The following KHDC4 variants were observed in gnomAD, a reference collection of about 807,000 sequenced individuals.
KHDC4 encodes the protein KH domain containing 4, pre-mRNA splicing factor.
In KHDC4, 19 loss-of-function variants were observed where a neutral mutation model predicts 74.5. The ratio of observed to expected loss-of-function variants is 0.26; its 90% CI spans 0.18 to 0.37. KHDC4 has a LOEUF of 0.37. Among genes scored for constraint, KHDC4 ranks in the 10% least tolerant of loss-of-function variants. The pLI, the probability that KHDC4 is intolerant of heterozygous loss-of-function variation, is 1.00. For synonymous variants in KHDC4, 253 were observed against 266.1 expected, an observed-to-expected ratio of 0.95 and a Z score of 0.48; for missense variants, 632 against 754.1, an observed-to-expected ratio of 0.84 and a Z score of 1.90.
chr1:155,926,311 T>C (rs1473360627), intron 6 of KHDC4, among the ~76,000 whole-genome samples: 2 of 150,136 alleles, frequency 1.3e-5, no homozygotes, highest in Non-Finnish European at 3.0e-5. Context: ...TTTCTTTGTA[T>C]GTATTACTTG....
Position 155,934,397 on chromosome 1 carries a change from C to A in KHDC4, c.-24G>T. On this transcript the variant is annotated 5_prime_UTR_variant, in exon 1 of 14. Coordinates refer to ENST00000368321, the MANE Select transcript of KHDC4 (RefSeq NM_014949.4). ...ATGGCGACCGCTTCTACTCAACCAC[C>A]CGCCAACTATCCGACTACCACCTCT... 1 of 1,611,322 alleles carries A rather than the reference C, an allele frequency of 6.2e-7. No individual in the cohort carries two copies. Among genetic ancestry groups the A allele is most frequent in the South Asian group, 1.1e-5 (1 of 90,950 alleles).
intron 5 of KHDC4, 99 bp from the exon 6 acceptor site, chr1:155,926,938 A>C: frequency 7.1e-7 from 1 of 1,416,576 alleles, no homozygotes; most frequent in Admixed American, 1.7e-5. Flanking sequence ...TTTATACGTT[A>C]CCCAAATATG....
chr1:155,916,565 TCTCA>T (rs1483115822), intron 12 of KHDC4, 56 bp downstream of exon 12: 25 of 1,105,694 alleles, frequency 2.3e-5, no homozygotes, highest in African/African-American at 2.2e-4. Context: ...TGATCATTAC[TCTCA>T]CTAATGGTGC....
chr1:155,916,876 G>A (rs1342364434), intron 11 of KHDC4, 139 bp from the exon 12 acceptor site: 17 of 601,338 alleles, frequency 2.8e-5, no homozygotes, highest in Non-Finnish European at 5.0e-5. Context: ...TTTGGGATCT[G>A]CTGTGTAACT....
chr1:155,929,299 G>C lies in KHDC4; in HGVS notation c.461C>G (p.Pro154Arg). The change falls in exon 4 of 14, where the codon CCA becomes CGA. Residue 154 changes from proline (P) to arginine (R), a missense_variant. Transcript: ENST00000368321. ...AACAAGATAAGAGAATACGCACCCT[G>C]GTCCCACTTTGGCTTTTTCCTCAGT... is the stretch of plus-strand genomic sequence containing the variant. ...MTTEEKAKVG[P>R]GDRPLYLHVQ... The C allele has an allele frequency of 6.2e-7, 1 of 1,610,286 alleles. No individual in the cohort carries two copies. The highest frequency in any genetic ancestry group is 1.1e-5 in the South Asian group (1 of 91,016).
intron 10 of KHDC4, among the ~76,000 whole-genome samples, chr1:155,919,225 C>T (rs1429599447): frequency 1.3e-5 from 2 of 152,064 alleles, no homozygotes; most frequent in African/African-American, 2.4e-5. Context: ...GCCCCAACCT[C>T]CCAAAGTGCT....
intron 8 of KHDC4, 118 bp from the exon 9 acceptor site, chr1:155,922,036 T>C: frequency 1.6e-6 from 1 of 625,952 alleles, no homozygotes; most frequent in Non-Finnish European, 2.8e-6. Flanking sequence ...CTACCAATGT[T>C]CCAATCAAAT....
Position 155,914,047 on chromosome 1 carries a change from A to C in KHDC4, c.*74T>G. 3.9e-6 allele frequency: 5 copies of C among 1,278,436 alleles called. No individual in the cohort carries two copies. The allele number at this position is 1,278,436 out of a possible 1,614,324, so 79.2% of individuals were successfully genotyped here. On this transcript the variant is annotated 3_prime_UTR_variant, in exon 14 of 14. Transcript: ENST00000368321. ...AGATGGTTCCCAGCACAGGCCCCAG[A>C]GTCTTGTTAAATCAAATGCATGCAT...
chr1:155,917,023 T>C (rs1673746651), intron 11 of KHDC4: 1 of 268,274 alleles, frequency 3.7e-6, no homozygotes, highest in Admixed American at 4.7e-5. Flanking sequence ...CTAGAAACTA[T>C]AAAAAAATGC....
At chr1:155,927,525 CT>C (rs1051646870) in intron 4 of KHDC4, among the ~76,000 whole-genome samples, 3 of 152,056 alleles carry the variant, frequency 2.0e-5, no homozygotes, top group Non-Finnish European at 2.9e-5. Context: ...ATGGGGCAAG[CT>C]GGGTGCTGTG....
chr1:155,927,706 G>A lies in KHDC4; in HGVS notation c.465-550C>T, dbSNP rs576614552. 1.7e-4 allele frequency among the ~76,000 whole-genome samples: 25 copies of A among 149,770 alleles called. No homozygotes were observed. The Admixed American group carries it at 1.7e-3, about 10-fold the overall frequency. ...TAGTCCCAGCTACTCAGGAGGCTGA[G>A]GCACAAGAATCACTTGAACCCAGGA... On this transcript the variant is annotated intron_variant, in intron 4 of 13. Coordinates refer to ENST00000368321, the MANE Select transcript of KHDC4 (RefSeq NM_014949.4).
chr1:155,920,251 A>AAC (rs5777963), intron 10 of KHDC4, among the ~76,000 whole-genome samples: 122,832 of 151,570 alleles, frequency 0.81, 51,916 homozygotes, highest in East Asian at 0.94. Context: ...CATCCTGGCT[A>AAC]ACAGTGAAAC....
Position 155,926,688 on chromosome 1 carries a change from G to A in KHDC4, c.669C>T (p.Pro223=), listed in dbSNP as rs370433890. ...CCCCAAAACATACCCCTGACTGGAAGGGAGGCTTCTGGCTAACAGCTGGAG... is the reference window on the plus strand; with the variant it reads ...CCCCAAAACATACCCCTGACTGGAAAGGAGGCTTCTGGCTAACAGCTGGAG... ...QLSPAVSQKP[P]FQSGMHYVQD... Residue 223 remains proline, a synonymous_variant, in exon 6 of 14, where the codon CCC becomes CCT. Coordinates refer to ENST00000368321, the MANE Select transcript of KHDC4 (RefSeq NM_014949.4). The A allele has an allele frequency of 9.9e-6, 16 of 1,614,022 alleles. No individual in the cohort carries two copies. In the African/African-American group the frequency reaches 2.1e-4, roughly 22 times the overall value.
chr1:155,919,274 T>C (rs1036182897), intron 10 of KHDC4, among the ~76,000 whole-genome samples: 6 of 151,964 alleles, frequency 3.9e-5, no homozygotes, highest in African/African-American at 1.4e-4. Context: ...CTGCCTTAAC[T>C]CCCTGCTTTT....
chr1:155,927,919 A>G (rs1408500417), intron 4 of KHDC4, among the ~76,000 whole-genome samples: 1 of 150,962 alleles, frequency 6.6e-6, no homozygotes, highest in African/African-American at 2.4e-5. Context: ...GAAACCTCTT[A>G]AGGTCTACAT....
chr1:155,934,325 T>C lies in KHDC4; in HGVS notation c.38+11A>G. Reference sequence around the variant, plus strand: ...GTGCTCGCTCCGATGCCCTCGCCCCTGAAGCCGTACCCGCCAGCTCCAGGA... The same window carrying C: ...GTGCTCGCTCCGATGCCCTCGCCCCCGAAGCCGTACCCGCCAGCTCCAGGA... On this transcript the variant is annotated intron_variant, in intron 1 of 13. Transcript: ENST00000368321. The C allele has an allele frequency of 1.2e-6, 2 of 1,608,302 alleles. No homozygotes were observed. The highest frequency in any genetic ancestry group is 1.1e-5 in the South Asian group (1 of 90,980).
chr1:155,934,383 T>G lies in KHDC4; in HGVS notation c.-10A>C, dbSNP rs759938707. The G allele has an allele frequency of 6.2e-7, 1 of 1,612,134 alleles. No homozygotes were observed. Among genetic ancestry groups the G allele is most frequent in the South Asian group, 1.1e-5 (1 of 91,042 alleles). On this transcript the variant is annotated 5_prime_UTR_variant, in exon 1 of 14. Coordinates refer to ENST00000368321, the MANE Select transcript of KHDC4 (RefSeq NM_014949.4). The stretch of plus-strand genomic sequence containing the variant: ...CGCTCCCCGCGGACATGGCGACCGC[T>G]TCTACTCAACCACCCGCCAACTATC...
At chr1:155,930,093 A>G (rs1364686001) in intron 2 of KHDC4, among the ~76,000 whole-genome samples, 1 of 152,026 alleles carries the variant, frequency 6.6e-6, no homozygotes, top group African/African-American at 2.4e-5. Flanking sequence ...TCGGATTTTT[A>G]GTAGAGACGG....
intron 2 of KHDC4, among the ~76,000 whole-genome samples, chr1:155,931,235 A>G (rs1236089374): frequency 1.3e-5 from 2 of 149,284 alleles, no homozygotes; most frequent in Non-Finnish European, 3.0e-5. Flanking sequence ...GGCAGCAGAA[A>G]GCAGTGATTG....
Sources: gnomAD v4.1 joint callset for allele counts (sites outside exome capture counted in the v4.1 genomes callset) on GRCh38, gnomAD v4.1.1 for gene constraint, MANE v1.5 for transcripts, NCBI Gene and HGNC (gene_info 2026-07-23, HGNC 2026-07-21) for gene names.